The following PPP1R9A variants were observed in gnomAD, a reference collection of about 807,000 sequenced individuals.
PPP1R9A encodes the protein protein phosphatase 1 regulatory subunit 9A.
Under a neutral mutation model 141.9 loss-of-function variants are expected in PPP1R9A, and 59 were observed. The observed-to-expected ratio is 0.42, with a 90% confidence interval of 0.34 to 0.52. The LOEUF (loss-of-function observed/expected upper bound fraction) is 0.52, where lower values mean the gene tolerates loss of function less well. Ranked by LOEUF, PPP1R9A falls within the 20% of genes least tolerant of loss-of-function variation. PPP1R9A has a pLI of 0.10. For synonymous variants in PPP1R9A, 500 were observed against 569.7 expected (o/e 0.88, Z 1.74); for missense variants, 1,444 against 1,611.9 (o/e 0.90, Z 1.78).
chr7:95,066,419 G>A lies in PPP1R9A; in HGVS notation c.1396-44840G>A, dbSNP rs146217594. ...TTAGCACTCTTAAAGAATTAAGTAC[G>A]TAGAGCCAAACATGTAAGATAACCC... is the stretch of plus-strand genomic sequence containing the variant. On this transcript the variant is annotated intron_variant, in intron 2 of 19. Coordinates refer to ENST00000433360, the MANE Select transcript of PPP1R9A (RefSeq NM_001166160.2). 4.5e-4 allele frequency among the ~76,000 whole-genome samples: 68 copies of A among 152,246 alleles called. No homozygotes were observed. In the East Asian group the frequency reaches 5.2e-3, roughly 12 times the overall value.
intron 2 of PPP1R9A, among the ~76,000 whole-genome samples, chr7:95,044,369 A>G (rs777925823): frequency 8.5e-5 from 13 of 152,216 alleles, no homozygotes; most frequent in Non-Finnish European, 1.6e-4. Flanking sequence ...GAAGTTTAAA[A>G]GAAAAAAAAT....
At chr7:95,171,040 A>G (rs1832031534) in intron 5 of PPP1R9A, among the ~76,000 whole-genome samples, 2 of 151,556 alleles carry the variant, frequency 1.3e-5, no homozygotes, top group African/African-American at 4.8e-5. Flanking sequence ...GAGGTATGCT[A>G]TAAGACATAA....
rs142307175 is a variant in PPP1R9A at position 95,142,483 on chromosome 7, G to T, written c.1650-19384G>T. ...TCCTCTAAGAGTTTTGTAGTTTTTA[G>T]TCTTTCTTATATTTAGGTCTATGAT... On this transcript the variant is annotated intron_variant, in intron 4 of 19. Transcript: ENST00000433360. 3.8e-4 allele frequency among the ~76,000 whole-genome samples: 57 copies of T among 151,994 alleles called. 1 individual carries two copies. The East Asian group carries it at 0.011, about 28-fold the overall frequency.
chr7:95,125,297 A>G (rs1823366948), intron 4 of PPP1R9A, among the ~76,000 whole-genome samples: 1 of 151,830 alleles, frequency 6.6e-6, no homozygotes, highest in Admixed American at 6.6e-5. Context: ...CACTTTTGAA[A>G]CCTTTACTTG....
At chr7:95,038,484 C>T (rs533795196) in intron 2 of PPP1R9A, among the ~76,000 whole-genome samples, 78 of 152,136 alleles carry the variant, frequency 5.1e-4, no homozygotes, top group Non-Finnish European at 9.4e-4. Flanking sequence ...CCCTCATGGC[C>T]CTGGTGGGAG....
chr7:95,131,482 T>C (rs1824600746), intron 4 of PPP1R9A, among the ~76,000 whole-genome samples: 1 of 152,158 alleles, frequency 6.6e-6, no homozygotes, highest in South Asian at 2.1e-4. Flanking sequence ...GTTCCATTGG[T>C]TTATATGTCT....
At chr7:95,138,175 G>A (rs549137854) in intron 4 of PPP1R9A, among the ~76,000 whole-genome samples, 3 of 152,046 alleles carry the variant, frequency 2.0e-5, no homozygotes, top group South Asian at 2.1e-4. Flanking sequence ...CTCGTGATCC[G>A]CCCGCCTTGG....
Position 94,911,359 on chromosome 7 carries a change from G to C in PPP1R9A, c.1246G>C (p.Glu416Gln). Reference protein sequence around the residue: ...VRSRYNSDWGETGTEQDEEED... With the variant: ...VRSRYNSDWGQTGTEQDEEED... ...ATCCAGGTATAATTCAGACTGGGGA[G>C]AGACAGGCACTGAGCAGGATGAGGA... The change falls in exon 2 of 20, where the codon GAG (glutamate) becomes CAG (glutamine). Residue 416 changes from glutamate to glutamine, a missense_variant. By Grantham distance (29) the Glu-to-Gln change is conservative (BLOSUM62 2). Transcript: ENST00000433360. The C allele has an allele frequency of 6.2e-7, 1 of 1,614,128 alleles. No individual in the cohort carries two copies. The highest frequency in any genetic ancestry group is 1.3e-5 in the African/African-American group (1 of 75,044).
rs1790079234 is a variant in PPP1R9A at position 95,203,682 on chromosome 7, G to T, written c.1908G>T (p.Leu636Phe). The T allele has an allele frequency of 4.6e-6, 7 of 1,536,442 alleles. No homozygotes were observed. The highest frequency in any genetic ancestry group is 6.1e-6 in the Non-Finnish European group (7 of 1,146,376). Residue 636 changes from leucine to phenylalanine, a missense_variant, in exon 7 of 20, where the codon TTG becomes TTT. Leu to Phe is a conservative substitution (Grantham distance 22). Transcript: ENST00000433360. Reference protein sequence around the residue: ...ADDDENTVAELQGMSGNCNNN... With the variant: ...ADDDENTVAEFQGMSGNCNNN... Reference sequence around the variant, plus strand: ...CATTTTAGAACACTGTGGCTGAATTGCAAGGAATGTCTGGCAACTGCAATA... The same window carrying T: ...CATTTTAGAACACTGTGGCTGAATTTCAAGGAATGTCTGGCAACTGCAATA...
chr7:95,212,492 A>G (rs758611251), intron 7 of PPP1R9A, among the ~76,000 whole-genome samples: 78 of 152,178 alleles, frequency 5.1e-4, no homozygotes, highest in Non-Finnish European at 8.4e-4. Flanking sequence ...AGCTTTCCTG[A>G]GGGATAACTA....
chr7:95,088,740 T>C (rs1403539982), intron 2 of PPP1R9A, among the ~76,000 whole-genome samples: 1 of 151,866 alleles, frequency 6.6e-6, no homozygotes, highest in African/African-American at 2.4e-5. Flanking sequence ...TTGCCTGGGG[T>C]GATGTGAGTA....
intron 2 of PPP1R9A, among the ~76,000 whole-genome samples, chr7:95,062,335 A>G (rs1442310509): frequency 6.6e-6 from 1 of 152,160 alleles, no homozygotes; most frequent in African/African-American, 2.4e-5. Flanking sequence ...CCTGTGCATC[A>G]GTGTGAAAGA....
At position 95,049,769 on chromosome 7, in the gene PPP1R9A, T is replaced by G. The variant is rs567150208; in HGVS notation, c.1396-61490T>G. ...TCAGAATGTACTATAGTTGGAATTT[T>G]GTAGTATACAACCTTTCCAGATTGA... is the stretch of plus-strand genomic sequence containing the variant. On this transcript the variant is annotated intron_variant, in intron 2 of 19. Coordinates refer to ENST00000433360, the MANE Select transcript of PPP1R9A (RefSeq NM_001166160.2). Among the ~76,000 whole-genome samples the G allele has an allele frequency of 9.2e-5, 14 of 152,336 alleles. 1 individual carries two copies. The East Asian group carries it at 1.5e-3, about 17-fold the overall frequency.
At chr7:94,969,137 C>T (rs865986934) in intron 2 of PPP1R9A, among the ~76,000 whole-genome samples, 4 of 152,230 alleles carry the variant, frequency 2.6e-5, no homozygotes, top group Middle Eastern at 3.4e-3. Flanking sequence ...CTGAAGCCTA[C>T]TTCTGTCAAT....
chr7:95,151,941 C>CTTTTTTTTTTTTTTTTTTTTTTTTTTTTT (rs1167382285), intron 4 of PPP1R9A, among the ~76,000 whole-genome samples: 2 of 54,462 alleles, frequency 3.7e-5, no homozygotes, highest in Non-Finnish European at 6.5e-5. Context: ...TACTGAGAAT[C>CTTTTTTTTTTTTTTTTTTTTTTTTTTTTT]TTTTTTTTTT....
At chr7:94,932,308 C>A (rs1240542146) in intron 2 of PPP1R9A, among the ~76,000 whole-genome samples, 1 of 152,112 alleles carries the variant, frequency 6.6e-6, no homozygotes, top group Non-Finnish European at 1.5e-5. Context: ...TGAATTGGTG[C>A]CAGCTCCATG....
At position 95,130,330 on chromosome 7, in the gene PPP1R9A, T is replaced by C. The variant is rs143018268; in HGVS notation, c.1649+9498T>C. Among the ~76,000 whole-genome samples the C allele has an allele frequency of 8.8e-3, 1,333 of 152,228 alleles. 15 individuals are homozygous for C. The highest frequency in any genetic ancestry group is 0.031 in the African/African-American group (1,279 of 41,536). On this transcript the variant is annotated intron_variant, in intron 4 of 19. Transcript: ENST00000433360. ...GCCCCAAGCCTTGGCAGCTTCCATA[T>C]GGTGTTGAGCCTGCAAGTGCACAAA...
intron 2 of PPP1R9A, among the ~76,000 whole-genome samples, chr7:95,080,742 A>T (rs1584585071): frequency 6.6e-6 from 1 of 152,156 alleles, no homozygotes; most frequent in East Asian, 1.9e-4. Flanking sequence ...TCTCAAAATA[A>T]TCAATATGCA....
At chr7:95,212,359 G>T (rs942596546) in intron 7 of PPP1R9A, among the ~76,000 whole-genome samples, 17 of 151,840 alleles carry the variant, frequency 1.1e-4, no homozygotes, top group Admixed American at 9.2e-4. Context: ...CTTTTCTTTA[G>T]GATATTTTAA....
Sources: gnomAD v4.1 joint callset for allele counts (sites outside exome capture counted in the v4.1 genomes callset) on GRCh38, gnomAD v4.1.1 for gene constraint, MANE v1.5 for transcripts, NCBI Gene and HGNC (gene_info 2026-07-23, HGNC 2026-07-21) for gene names.